Variants in OCA2 observed in about 807,000 individuals in gnomAD.
The protein encoded by OCA2 is OCA2 melanosomal transmembrane protein.
In OCA2, 77 loss-of-function variants were observed where a neutral mutation model predicts 100.2. That is an observed-to-expected ratio of 0.77 (90% CI 0.64 to 0.93). OCA2 has a LOEUF of 0.93. Ranked by LOEUF, OCA2 falls within the 40% of genes least tolerant of loss-of-function variation. OCA2 has a pLI of 0.00. For synonymous variants in OCA2, 432 were observed against 439.2 expected, an observed-to-expected ratio of 0.98 and a Z score of 0.21; for missense variants, 1,062 against 1,089.1, an observed-to-expected ratio of 0.98 and a Z score of 0.35.
At chr15:27,905,024 C>A (rs560114978) in intron 19 of OCA2, among the ~76,000 whole-genome samples, 1 of 152,080 alleles carries the variant, frequency 6.6e-6, no homozygotes, top group Admixed American at 6.5e-5. Context: ...ATTAGCCGGG[C>A]GTGGTGGTGG....
intron 23 of OCA2, among the ~76,000 whole-genome samples, chr15:27,800,907 G>A (rs1391550812): frequency 8.5e-6 from 1 of 117,092 alleles, no homozygotes; most frequent in Non-Finnish European, 1.9e-5. Flanking sequence ...GGTCCAGGCT[G>A]CAGGAACCAA....
At chr15:27,847,570 C>T (rs553014973) in intron 22 of OCA2, among the ~76,000 whole-genome samples, 1 of 152,108 alleles carries the variant, frequency 6.6e-6, no homozygotes, top group South Asian at 2.1e-4. Context: ...GGAGAGGAGC[C>T]TCCGGAAAGG....
At chr15:27,913,838 GGAAAGAAA>G (rs367919609) in intron 19 of OCA2, among the ~76,000 whole-genome samples, 959 of 37,000 alleles carry the variant, frequency 0.026, 23 homozygotes, top group Admixed American at 0.043. Context: ...AAGAAAGAAA[GGAAAGAAA>G]GAAAGAAAGA....
At chr15:27,970,734 C>A (rs1330181453) in intron 14 of OCA2, among the ~76,000 whole-genome samples, 9 of 151,420 alleles carry the variant, frequency 5.9e-5, no homozygotes, top group African/African-American at 2.2e-4. Context: ...AACATCCCAG[C>A]ACACACAGAA....
chr15:27,989,622 C>A lies in OCA2; in HGVS notation c.1161G>T (p.Thr387=). The change falls in exon 11 of 24, where the codon ACG becomes ACT. Residue 387 remains threonine, a synonymous_variant. Coordinates refer to ENST00000354638, the MANE Select transcript of OCA2 (RefSeq NM_000275.3). ...THVVEWIDFE[T]LALLFGMMIL... ...TTACCATGCCAAACAGCAGGGCCAG[C>A]GTCTCAAAATCAATCCACTCCACCA... 1 of 1,614,080 alleles carries A rather than the reference C, an allele frequency of 6.2e-7. No homozygotes were observed. Among genetic ancestry groups the A allele is most frequent in the South Asian group, 1.1e-5 (1 of 91,064 alleles).
chr15:27,910,908 A>G (rs1201436463), intron 19 of OCA2, among the ~76,000 whole-genome samples: 2 of 152,056 alleles, frequency 1.3e-5, no homozygotes, highest in Non-Finnish European at 2.9e-5. Context: ...GTGAGCCGAG[A>G]TCATGCCACT....
intron 23 of OCA2, among the ~76,000 whole-genome samples, chr15:27,764,000 G>C (rs2031052349): frequency 6.6e-6 from 1 of 152,082 alleles, no homozygotes; most frequent in Non-Finnish European, 1.5e-5. Context: ...CTGAGGGGTG[G>C]GGGTTTGGGG....
intron 19 of OCA2, among the ~76,000 whole-genome samples, chr15:27,885,768 A>T (rs1421969060): frequency 8.2e-6 from 1 of 121,668 alleles, no homozygotes; most frequent in African/African-American, 3.7e-5. Context: ...TGATGTGCTT[A>T]CTATGTGGCA....
Position 28,043,853 on chromosome 15 carries a change from CT to C in OCA2, c.228-11691del, listed in dbSNP as rs2043273573. Among the ~76,000 whole-genome samples, 1 of 152,182 alleles carries C rather than the reference CT, an allele frequency of 6.6e-6. No individual in the cohort carries two copies. The highest frequency in any genetic ancestry group is 2.4e-5 in the African/African-American group (1 of 41,446). On this transcript the variant is annotated intron_variant, in intron 2 of 23. Coordinates refer to ENST00000354638, the MANE Select transcript of OCA2 (RefSeq NM_000275.3). This position sits in a 1 kb window ranked among gnomAD's most constrained non-coding sequence, Gnocchi z 4.4. ...CCCAAAACAAACCAGATGGGCTATG[CT>C]TTTCAAGGAAGAAAGATAAGATTCT...
At chr15:28,052,080 G>A (rs1382144746) in intron 2 of OCA2, among the ~76,000 whole-genome samples, 2 of 152,120 alleles carry the variant, frequency 1.3e-5, no homozygotes, top group Non-Finnish European at 2.9e-5. Flanking sequence ...GCTGGCTGGG[G>A]TGCTGAATGG....
chr15:27,946,361 T>C (rs1300001182), intron 18 of OCA2, among the ~76,000 whole-genome samples: 2 of 152,156 alleles, frequency 1.3e-5, no homozygotes, highest in Non-Finnish European at 2.9e-5. Flanking sequence ...CCTAACTTAA[T>C]AGTATGCACC....
intron 9 of OCA2, among the ~76,000 whole-genome samples, chr15:27,996,660 A>G (rs2041737566): frequency 6.6e-6 from 1 of 152,186 alleles, no homozygotes; most frequent in East Asian, 1.9e-4. Context: ...AACTGATATC[A>G]TAAGATTACA....
intron 23 of OCA2, among the ~76,000 whole-genome samples, chr15:27,817,988 T>C (rs1317347985): frequency 1.3e-5 from 2 of 152,216 alleles, no homozygotes; most frequent in African/African-American, 4.8e-5. Flanking sequence ...CTAAGAAATG[T>C]ACTTCTTATT....
At chr15:27,822,308 G>T (rs1156358821) in intron 23 of OCA2, among the ~76,000 whole-genome samples, 2 of 152,036 alleles carry the variant, frequency 1.3e-5, no homozygotes, top group Non-Finnish European at 2.9e-5. Context: ...TTTTGTGTCT[G>T]GCTTCTTTCA....
chr15:27,820,875 A>G (rs1298369352), intron 23 of OCA2, among the ~76,000 whole-genome samples: 1 of 152,142 alleles, frequency 6.6e-6, no homozygotes, highest in African/African-American at 2.4e-5. Context: ...GGGATTAACC[A>G]CCTACTAAAC....
chr15:27,939,602 C>T (rs2039575046), intron 18 of OCA2, among the ~76,000 whole-genome samples: 1 of 152,152 alleles, frequency 6.6e-6, no homozygotes, highest in African/African-American at 2.4e-5. Flanking sequence ...AGAAATAATG[C>T]TAAATGCAGT....
intron 15 of OCA2, among the ~76,000 whole-genome samples, chr15:27,965,867 C>T (rs2040547823): frequency 6.6e-6 from 1 of 152,224 alleles, no homozygotes; most frequent in Admixed American, 6.5e-5. Flanking sequence ...CTCAGTAAAA[C>T]ATCTACTAAA....
At chr15:27,732,568 G>A in the OCA2 span, among the ~76,000 whole-genome samples, 1 of 152,204 alleles carries the variant, frequency 6.6e-6, no homozygotes. Context: ...GCAGAGTGTG[G>A]AGGGTGGAGA....
chr15:27,791,894 G>A (rs1225942263), intron 23 of OCA2, among the ~76,000 whole-genome samples: 1 of 152,166 alleles, frequency 6.6e-6, no homozygotes, highest in Admixed American at 6.5e-5. Flanking sequence ...TGATGGAGTG[G>A]AGCTGACTTC....
Sources: allele counts gnomAD v4.1 joint callset (sites outside exome capture counted in the v4.1 genomes callset), GRCh38; gene constraint gnomAD v4.1.1; non-coding constraint Gnocchi (gnomAD v3.1); transcripts MANE v1.5; gene names NCBI Gene and HGNC (gene_info 2026-07-23, HGNC 2026-07-21).